The following NKAIN2 variants were observed in gnomAD, a reference collection of about 807,000 sequenced individuals.
The protein encoded by NKAIN2 is sodium/potassium transporting ATPase interacting 2, also known as sodium/potassium-transporting ATPase subunit beta-1-interacting protein 2.
A neutral mutation model predicts 32.6 loss-of-function variants in NKAIN2; 14 were observed. The observed-to-expected ratio is 0.43, with a 90% CI of 0.28 to 0.67. The LOEUF (loss-of-function observed/expected upper bound fraction) is 0.67, where lower values mean the gene tolerates loss of function less well. Ranked by LOEUF, NKAIN2 falls within the 30% of genes least tolerant of loss-of-function variation. The pLI is 0.17. For synonymous variants in NKAIN2, 80 were observed against 87.2 expected (o/e 0.92, Z 0.46); for missense variants, 198 against 258.3 (o/e 0.77, Z 1.60).
intron 1 of NKAIN2, among the ~76,000 whole-genome samples, chr6:124,163,999 A>C (rs1788403819): frequency 6.6e-6 from 1 of 151,978 alleles, no homozygotes; most frequent in South Asian, 2.1e-4. Context: ...TATTTCCTTG[A>C]CTGCTCAGTC....
At chr6:124,640,320 T>C (rs1783936878) in intron 3 of NKAIN2, among the ~76,000 whole-genome samples, 1 of 152,198 alleles carries the variant, frequency 6.6e-6, no homozygotes, top group African/African-American at 2.4e-5. Flanking sequence ...GTCTGTGCCT[T>C]CATGCTAATT....
At chr6:123,990,169 G>T (rs1344986401) in intron 1 of NKAIN2, among the ~76,000 whole-genome samples, 1 of 152,110 alleles carries the variant, frequency 6.6e-6, no homozygotes, top group Non-Finnish European at 1.5e-5. Flanking sequence ...CAGCATGGGG[G>T]AAACCACCCC....
intron 3 of NKAIN2, among the ~76,000 whole-genome samples, chr6:124,410,451 C>T (rs1194362349): frequency 6.6e-6 from 1 of 152,114 alleles, no homozygotes; most frequent in Non-Finnish European, 1.5e-5. Context: ...TCGTTATGTA[C>T]CCAGTAGTCA....
chr6:124,709,289 TC>T (rs1340890262), intron 4 of NKAIN2, among the ~76,000 whole-genome samples: 4 of 148,840 alleles, frequency 2.7e-5, no homozygotes, highest in Non-Finnish European at 6.0e-5. Context: ...AGGATATTGG[TC>T]TAAAATTCTC....
chr6:124,636,544 C>G (rs1375184449), intron 3 of NKAIN2, among the ~76,000 whole-genome samples: 1 of 151,418 alleles, frequency 6.6e-6, no homozygotes, highest in Non-Finnish European at 1.5e-5. Context: ...GGGAGAAGAC[C>G]CAAATAAATA....
At chr6:123,867,113 A>G (rs1237616822) in intron 1 of NKAIN2, among the ~76,000 whole-genome samples, 2 of 152,188 alleles carry the variant, frequency 1.3e-5, no homozygotes, top group Non-Finnish European at 2.9e-5. Flanking sequence ...AACCATCCGT[A>G]TCTAATCAGC....
At chr6:124,551,303 A>G (rs1334619695) in intron 3 of NKAIN2, among the ~76,000 whole-genome samples, 5 of 152,198 alleles carry the variant, frequency 3.3e-5, no homozygotes, top group African/African-American at 4.8e-5. Context: ...CATTTATATA[A>G]CTTAGGGATA....
chr6:124,778,237 C>T (rs1403757057), intron 4 of NKAIN2, among the ~76,000 whole-genome samples: 5 of 102,290 alleles, frequency 4.9e-5, no homozygotes, highest in African/African-American at 1.9e-4. Flanking sequence ...GAATGGAAAA[C>T]ATGTTTTCCT....
intron 4 of NKAIN2, among the ~76,000 whole-genome samples, chr6:124,696,874 T>G (rs574305173): frequency 6.6e-6 from 1 of 152,174 alleles, no homozygotes; most frequent in East Asian, 1.9e-4. Flanking sequence ...CAGTACTTAT[T>G]TAGGCTACTG....
chr6:124,275,163 A>G (rs1794973210), intron 1 of NKAIN2, among the ~76,000 whole-genome samples: 1 of 152,100 alleles, frequency 6.6e-6, no homozygotes, highest in African/African-American at 2.4e-5. Context: ...AGAAATAATA[A>G]ATGATTCTGT....
rs148497305 is a variant in NKAIN2, at chr6:124,039,036, C to G, written c.54+234782C>G. ...TAATTCTCATATGTATGATGTTTTT[C>G]TCATATAAAAAGGACATTCTTACAT... is the stretch of plus-strand genomic sequence containing the variant. On this transcript the variant is annotated intron_variant, in intron 1 of 6. Coordinates refer to ENST00000368417, the MANE Select transcript of NKAIN2 (RefSeq NM_001040214.3). Among the ~76,000 whole-genome samples the G allele has an allele frequency of 1.4e-3, 208 of 152,054 alleles. 3 individuals carry two copies. The East Asian group carries it at 0.03, about 22-fold the overall frequency.
intron 4 of NKAIN2, among the ~76,000 whole-genome samples, chr6:124,770,483 T>C (rs956999606): frequency 2.6e-5 from 4 of 152,202 alleles, no homozygotes; most frequent in East Asian, 1.9e-4. Flanking sequence ...CCCCAGAGAA[T>C]TGGGCTTCCT....
rs570677189 is a variant in NKAIN2 at position 124,392,455 on chromosome 6, A to G, written c.273+37108A>G. ...AAATAACCCTTAAGGTTTTTAAATC[A>G]TAAGCAAAGCAGAGATTAATTCTAG... is the stretch of plus-strand genomic sequence containing the variant. On this transcript the variant is annotated intron_variant, in intron 3 of 6. Transcript: ENST00000368417. Among the ~76,000 whole-genome samples the G allele has an allele frequency of 3.9e-5, 6 of 152,292 alleles. No homozygotes were observed. The South Asian group carries it at 1.0e-3, about 26-fold the overall frequency.
chr6:124,328,617 G>C (rs1045235370), intron 2 of NKAIN2, among the ~76,000 whole-genome samples: 1 of 152,194 alleles, frequency 6.6e-6, no homozygotes, highest in Non-Finnish European at 1.5e-5. Flanking sequence ...AAGCAAAGCA[G>C]TTGCAACACA....
chr6:124,396,067 T>C (rs1002062347), intron 3 of NKAIN2, among the ~76,000 whole-genome samples: 5 of 152,084 alleles, frequency 3.3e-5, no homozygotes, highest in African/African-American at 1.2e-4. Flanking sequence ...ACTTTGCATT[T>C]ATATATACAT....
At chr6:123,994,452 T>C (rs1167414307) in intron 1 of NKAIN2, among the ~76,000 whole-genome samples, 1 of 152,122 alleles carries the variant, frequency 6.6e-6, no homozygotes, top group Non-Finnish European at 1.5e-5. Flanking sequence ...GAAAGTCTGA[T>C]GTAGACAGGA....
In NKAIN2 at chr6:124,099,121, A is replaced by G. The variant is rs1337069847; in HGVS notation, c.55-183884A>G. On this transcript the variant is annotated intron_variant, in intron 1 of 6. Transcript: ENST00000368417. Reference sequence around the variant, plus strand: ...GAAAAGCTAGAGGCATAAATATGCTATGTTGAAGAAAATATACATAATACA... The same window carrying G: ...GAAAAGCTAGAGGCATAAATATGCTGTGTTGAAGAAAATATACATAATACA... Among the ~76,000 whole-genome samples, 13 of 152,148 alleles carry G rather than the reference A, an allele frequency of 8.5e-5. 1 individual carries two copies. Among genetic ancestry groups the G allele is most frequent in the Admixed American group, 7.9e-4 (12 of 15,276 alleles).
chr6:123,895,356 G>A (rs148012559), intron 1 of NKAIN2, among the ~76,000 whole-genome samples: 4 of 151,870 alleles, frequency 2.6e-5, no homozygotes, highest in Non-Finnish European at 5.9e-5. Context: ...TGTCTTTTTG[G>A]GTCCCTCCAA....
At chr6:124,270,693 A>G (rs571598721) in intron 1 of NKAIN2, among the ~76,000 whole-genome samples, 2 of 152,266 alleles carry the variant, frequency 1.3e-5, no homozygotes, top group East Asian at 3.9e-4. Flanking sequence ...ATTCTACTCA[A>G]TTTCTAAAGT....
Sources: allele counts gnomAD v4.1 joint callset (sites outside exome capture counted in the v4.1 genomes callset), GRCh38; gene constraint gnomAD v4.1.1; transcripts MANE v1.5; gene names NCBI Gene and HGNC (gene_info 2026-07-23, HGNC 2026-07-21).